The following LIN28B variants were observed in gnomAD, a reference collection of about 807,000 sequenced individuals.
LIN28B encodes protein lin-28 homolog B.
In LIN28B, 5 loss-of-function variants were observed where a neutral mutation model predicts 21.9. That is an observed-to-expected ratio of 0.23 (90% CI 0.12 to 0.48). The LOEUF is 0.48. Among genes scored for constraint, LIN28B ranks in the 20% least tolerant of loss-of-function variants. The pLI is 0.98. For synonymous variants in LIN28B, 109 were observed against 111.3 expected (o/e 0.98, Z 0.13); for missense variants, 245 against 310.5 (o/e 0.79, Z 1.58).
chr6:105,035,525 A>AT (rs1468697816), intron 3 of LIN28B, among the ~76,000 whole-genome samples: 4 of 152,180 alleles, frequency 2.6e-5, no homozygotes, highest in Non-Finnish European at 5.9e-5. Context: ...TGGTAAATGG[A>AT]ATGGAAAAAT....
At chr6:104,972,340 T>C (rs908163243) in intron 2 of LIN28B, among the ~76,000 whole-genome samples, 1 of 152,146 alleles carries the variant, frequency 6.6e-6, no homozygotes. Context: ...TTGGTTTTTT[T>C]GTGTGACCCA....
At chr6:105,047,623 C>T (rs2114378059) in intron 3 of LIN28B, among the ~76,000 whole-genome samples, 1 of 152,282 alleles carries the variant, frequency 6.6e-6, no homozygotes, top group South Asian at 2.1e-4. Flanking sequence ...TGGCCATTTT[C>T]ACGATATTGA....
intron 2 of LIN28B, among the ~76,000 whole-genome samples, chr6:104,986,854 T>C (rs1010633940): frequency 6.6e-6 from 1 of 152,250 alleles, no homozygotes; most frequent in Non-Finnish European, 1.5e-5. Context: ...TTTTGCCTAC[T>C]ACCCTCATTT....
intron 2 of LIN28B, among the ~76,000 whole-genome samples, chr6:104,976,425 G>A (rs1009564751): frequency 3.3e-5 from 5 of 152,160 alleles, no homozygotes; most frequent in Admixed American, 1.3e-4. Context: ...AGGAGTTGTG[G>A]GCAGAGGCTT....
chr6:105,041,645 T>A (rs1457566900), intron 3 of LIN28B, among the ~76,000 whole-genome samples: 1 of 152,208 alleles, frequency 6.6e-6, no homozygotes, highest in Non-Finnish European at 1.5e-5. Context: ...GGTATAGTGG[T>A]CATAAGTGTT....
intron 2 of LIN28B, among the ~76,000 whole-genome samples, chr6:105,011,736 G>A (rs1770927708): frequency 6.6e-6 from 1 of 152,106 alleles, no homozygotes; most frequent in Non-Finnish European, 1.5e-5. Flanking sequence ...TGTGATCCCA[G>A]CTGCAGGCTG....
At chr6:104,985,951 G>A (rs759844070) in intron 2 of LIN28B, among the ~76,000 whole-genome samples, 1 of 152,088 alleles carries the variant, frequency 6.6e-6, no homozygotes, top group Non-Finnish European at 1.5e-5. Flanking sequence ...TCAGGTGATT[G>A]CATATGTGTG....
At chr6:104,957,843 T>TA (rs749839998) in intron 1 of LIN28B, among the ~76,000 whole-genome samples, 1 of 152,006 alleles carries the variant, frequency 6.6e-6, no homozygotes, top group Non-Finnish European at 1.5e-5. Context: ...GTTAAATGAA[T>TA]AAGTACACGT....
intron 2 of LIN28B, among the ~76,000 whole-genome samples, chr6:104,937,676 G>A (rs545863576): frequency 6.6e-6 from 1 of 152,184 alleles, no homozygotes; most frequent in South Asian, 2.1e-4. Context: ...GTGATGCCTG[G>A]GGTTTGCTTT....
At chr6:105,029,639 TAGAAA>T (rs905348143) in intron 3 of LIN28B, among the ~76,000 whole-genome samples, 2 of 152,168 alleles carry the variant, frequency 1.3e-5, no homozygotes, top group Non-Finnish European at 2.9e-5. Context: ...GAACACATTA[TAGAAA>T]AGAGGTAGAA....
Position 105,078,566 on chromosome 6 carries a change from G to T in LIN28B, c.536G>T (p.Arg179Ile), listed in dbSNP as rs759308995. The T allele has an allele frequency of 3.7e-6, 6 of 1,614,152 alleles. No homozygotes were observed. Among genetic ancestry groups the T allele is most frequent in the Non-Finnish European group, 2.5e-6 (3 of 1,180,040 alleles). The part of the protein sequence containing the change: ...VAQPPASSQG[R>I]QEAESQPCTS... ...CAGCCACCCGCGAGTTCTCAGGGAA[G>T]ACAGGAAGCAGAATCCCAGCCATGC... The change falls in exon 4 of 4, where the codon AGA (arginine) becomes ATA (isoleucine). Residue 179 changes from arginine to isoleucine, a missense_variant. By Grantham distance (97) the Arg-to-Ile change is moderately conservative (BLOSUM62 -3). Transcript: ENST00000345080.
intron 3 of LIN28B, 85 bp downstream of exon 3, chr6:105,026,567 A>G (rs1273527323): frequency 1.3e-5 from 11 of 866,688 alleles, no homozygotes; most frequent in Middle Eastern, 2.6e-4. Context: ...TGCATTTCAT[A>G]TTGTCTAGCC....
At chr6:104,990,708 C>T (rs374660072) in intron 2 of LIN28B, among the ~76,000 whole-genome samples, 28 of 152,108 alleles carry the variant, frequency 1.8e-4, no homozygotes, top group African/African-American at 5.5e-4. Flanking sequence ...GAGGACCCTG[C>T]GCCTTCTGCA....
chr6:105,017,659 T>C (rs1771056431), intron 2 of LIN28B, among the ~76,000 whole-genome samples: 1 of 152,056 alleles, frequency 6.6e-6, no homozygotes, highest in African/African-American at 2.4e-5. Context: ...AAATATTGCA[T>C]GTTGTCACTT....
intron 2 of LIN28B, among the ~76,000 whole-genome samples, chr6:104,942,287 TAA>T (rs1778105454): frequency 6.6e-6 from 1 of 152,188 alleles, no homozygotes; most frequent in South Asian, 2.1e-4. Flanking sequence ...AAATATGACT[TAA>T]AGTGATTTTT....
chr6:104,974,778 A>G (rs1270290464), intron 2 of LIN28B, among the ~76,000 whole-genome samples: 2 of 151,878 alleles, frequency 1.3e-5, no homozygotes. Context: ...CATAAAACTT[A>G]CGTTTTATGG....
At chr6:105,071,703 T>A (rs947655743) in intron 3 of LIN28B, among the ~76,000 whole-genome samples, 1 of 152,214 alleles carries the variant, frequency 6.6e-6, no homozygotes, top group Non-Finnish European at 1.5e-5. Flanking sequence ...ATAATCTGAT[T>A]GCAATATTTC....
In LIN28B at chr6:105,080,084, C is replaced by T. The variant is rs1381240673; in HGVS notation, c.*1301C>T. The T allele has an allele frequency of 6.6e-6, 1 of 152,250 alleles. No individual in the cohort carries two copies. 9.4% of individuals were successfully genotyped at this position (152,250 alleles called of 1,614,324 possible). ...CCTTCAATGCTTATTCTGAAGTAAC[C>T]TATATGGTGGATACAGGATGAACAT... On this transcript the variant is annotated 3_prime_UTR_variant, in exon 4 of 4. Coordinates refer to ENST00000345080, the MANE Select transcript of LIN28B (RefSeq NM_001004317.4).
Position 105,060,182 on chromosome 6 carries a change from C to T in LIN28B, c.384-18232C>T, listed in dbSNP as rs555884804. ...CCTCCCAAAGTGCTGGGATTACAGGCGTGAGCCACCGTGCCCAGCCTTTTA... is the reference window on the plus strand; with the variant it reads ...CCTCCCAAAGTGCTGGGATTACAGGTGTGAGCCACCGTGCCCAGCCTTTTA... On this transcript the variant is annotated intron_variant, in intron 3 of 3. Transcript: ENST00000345080. Among the ~76,000 whole-genome samples the T allele has an allele frequency of 4.6e-4, 70 of 152,270 alleles. No homozygotes were observed. The Middle Eastern group carries it at 0.01, about 22-fold the overall frequency.
Sources: gnomAD v4.1 joint callset for allele counts (sites outside exome capture counted in the v4.1 genomes callset) on GRCh38, gnomAD v4.1.1 for gene constraint, MANE v1.5 for transcripts, NCBI Gene and HGNC (gene_info 2026-07-23, HGNC 2026-07-21) for gene names.